The following TNFSF4 variants were observed in gnomAD, a reference collection of about 807,000 sequenced individuals.
TNFSF4 encodes the protein tumor necrosis factor ligand superfamily member 4.
In TNFSF4, 4 loss-of-function variants were observed where a neutral mutation model predicts 7.3. The ratio of observed to expected loss-of-function variants is 0.55; its 90% confidence interval spans 0.27 to 1.25. TNFSF4 has a LOEUF of 1.25. Ranked by LOEUF, TNFSF4 falls within the 50% of genes most tolerant of loss-of-function variation. The probability of loss-of-function intolerance (pLI) is 0.12; values close to 1 mark genes in which losing one functional copy is unlikely to be tolerated. For synonymous variants in TNFSF4, 76 were observed against 83.7 expected (o/e 0.91, Z 0.50); for missense variants, 181 against 208.8 (o/e 0.87, Z 0.82).
At chr1:173,438,410 G>C in the TNFSF4 span, among the ~76,000 whole-genome samples, 2 of 152,138 alleles carry the variant, frequency 1.3e-5, no homozygotes, top group African/African-American at 4.8e-5. Flanking sequence ...GGGTCCCCCT[G>C]AAAATTTGAG....
At chr1:173,323,673 T>C in the TNFSF4 span, among the ~76,000 whole-genome samples, 2 of 152,174 alleles carry the variant, frequency 1.3e-5, no homozygotes, top group African/African-American at 2.4e-5. Flanking sequence ...TTAAAGGACC[T>C]GATGGAGCTG....
the TNFSF4 span, among the ~76,000 whole-genome samples, chr1:173,242,484 A>C: frequency 3.3e-5 from 5 of 152,220 alleles, no homozygotes; most frequent in Non-Finnish European, 7.3e-5. Flanking sequence ...TTAGAGTAGC[A>C]CTGAGATCAG....
chr1:173,178,932 T>C (rs960702256), downstream of TNFSF4, among the ~76,000 whole-genome samples: 2 of 152,170 alleles, frequency 1.3e-5, no homozygotes, highest in African/African-American at 4.8e-5. Context: ...AATGTAACTA[T>C]TGAAGCAATG....
At chr1:173,376,277 G>T in the TNFSF4 span, among the ~76,000 whole-genome samples, 1 of 152,160 alleles carries the variant, frequency 6.6e-6, no homozygotes. Context: ...GGAGGAGTTC[G>T]TGTCCTTTGC....
At chr1:173,447,155 A>G in the TNFSF4 span, among the ~76,000 whole-genome samples, 1 of 152,210 alleles carries the variant, frequency 6.6e-6, no homozygotes, top group East Asian at 1.9e-4. Context: ...ATATTGTATG[A>G]TTCCTACTAT....
the TNFSF4 span, among the ~76,000 whole-genome samples, chr1:173,177,780 A>G: frequency 6.6e-6 from 1 of 152,204 alleles, no homozygotes; most frequent in African/African-American, 2.4e-5. Flanking sequence ...AACTTAAAAA[A>G]ACAACTTGCA....
chr1:173,330,641 TG>T, the TNFSF4 span, among the ~76,000 whole-genome samples: 1 of 152,160 alleles, frequency 6.6e-6, no homozygotes, highest in African/African-American at 2.4e-5. Context: ...AGGTCCTAAC[TG>T]GATATTAATA....
At chr1:173,180,322 T>A (rs1649033907), downstream of TNFSF4, among the ~76,000 whole-genome samples, 2 of 152,202 alleles carry the variant, frequency 1.3e-5, no homozygotes. Context: ...CTCACTATAT[T>A]CAACGCTTGG....
chr1:173,406,820 A>G, the TNFSF4 span, among the ~76,000 whole-genome samples: 103,495 of 152,004 alleles, frequency 0.68, 35,238 homozygotes, highest in African/African-American at 0.72. Flanking sequence ...TGGGACCTGG[A>G]GAGAATTCCC....
the TNFSF4 span, among the ~76,000 whole-genome samples, chr1:173,391,625 A>C: frequency 6.6e-6 from 1 of 151,918 alleles, no homozygotes; most frequent in Non-Finnish European, 1.5e-5. Flanking sequence ...CCCCCTGAGA[A>C]AGTCAGTTTT....
At chr1:173,343,151 C>T in the TNFSF4 span, among the ~76,000 whole-genome samples, 85 of 152,206 alleles carry the variant, frequency 5.6e-4, 2 homozygotes, top group East Asian at 0.016. Flanking sequence ...TGTGCCAGCA[C>T]TCATGTAGGT....
the TNFSF4 span, among the ~76,000 whole-genome samples, chr1:173,404,173 T>TATC: frequency 6.6e-6 from 1 of 152,182 alleles, no homozygotes; most frequent in African/African-American, 2.4e-5. Context: ...GCAAGTCCCT[T>TATC]TGCCTTGCAT....
the TNFSF4 span, among the ~76,000 whole-genome samples, chr1:173,250,455 GT>G: frequency 6.8e-6 from 1 of 147,398 alleles, no homozygotes; most frequent in Non-Finnish European, 1.5e-5. Flanking sequence ...TTCATTTTTT[GT>G]TTTTTTGTTT....
the TNFSF4 span, among the ~76,000 whole-genome samples, chr1:173,294,572 T>A: frequency 1.3e-5 from 2 of 151,900 alleles, no homozygotes; most frequent in Non-Finnish European, 2.9e-5. Context: ...AACCTGCAGG[T>A]GTACCCCTAA....
chr1:173,393,318 T>C, the TNFSF4 span, among the ~76,000 whole-genome samples: 31,402 of 152,160 alleles, frequency 0.21, 4,035 homozygotes, highest in East Asian at 0.44. Flanking sequence ...CGTGACATTT[T>C]CTCACCCTCA....
chr1:173,375,777 C>T, the TNFSF4 span, among the ~76,000 whole-genome samples: 3 of 152,148 alleles, frequency 2.0e-5, no homozygotes, highest in Non-Finnish European at 4.4e-5. Flanking sequence ...CCACCCCCAG[C>T]CAGCAGCAGC....
the TNFSF4 span, among the ~76,000 whole-genome samples, chr1:173,412,297 C>G: frequency 2.0e-5 from 3 of 152,180 alleles, no homozygotes; most frequent in African/African-American, 7.2e-5. Context: ...ACAAGTCTAT[C>G]TGCTTTCTGT....
chr1:173,434,464 C>T, the TNFSF4 span, among the ~76,000 whole-genome samples: 1 of 152,200 alleles, frequency 6.6e-6, no homozygotes, highest in Non-Finnish European at 1.5e-5. Context: ...CCTTTTTCAT[C>T]ACCAAGTGCC....
At chr1:173,414,090 A>G in the TNFSF4 span, among the ~76,000 whole-genome samples, 7 of 152,180 alleles carry the variant, frequency 4.6e-5, no homozygotes, top group African/African-American at 1.7e-4. Flanking sequence ...GTAAACCCAC[A>G]GGATAGGTAT....
Sources: allele counts gnomAD v4.1 joint callset (sites outside exome capture counted in the v4.1 genomes callset), GRCh38; gene constraint gnomAD v4.1.1; transcripts MANE v1.5; gene names NCBI Gene and HGNC (gene_info 2026-07-23, HGNC 2026-07-21).